Variants in USP48 observed in about 807,000 individuals in gnomAD.
USP48 encodes the protein ubiquitin specific peptidase 48.
Under a neutral mutation model 150.7 loss-of-function variants are expected in USP48, and 43 were observed. The observed-to-expected ratio is 0.29, with a 90% CI of 0.22 to 0.37. The LOEUF is 0.37. USP48 is among the 10% of genes least tolerant of loss of function. USP48 has a pLI of 1.00. For synonymous variants in USP48, 396 were observed against 425.9 expected (o/e 0.93, Z 0.86); for missense variants, 813 against 1,249.6 (o/e 0.65, Z 5.27).
chr1:21,711,056 G>A (rs1297924931), intron 15 of USP48, among the ~76,000 whole-genome samples: 1 of 151,832 alleles, frequency 6.6e-6, no homozygotes, highest in African/African-American at 2.4e-5. Context: ...GAAGTGCTGA[G>A]GTTATAGATG....
chr1:21,699,417 C>T (rs1233771466), intron 22 of USP48, among the ~76,000 whole-genome samples: 1 of 149,168 alleles, frequency 6.7e-6, no homozygotes, highest in African/African-American at 2.5e-5. Flanking sequence ...CCAGGATGGT[C>T]TCAATCTCCT....
chr1:21,748,803 C>G (rs1243617920), intron 6 of USP48, among the ~76,000 whole-genome samples: 2 of 152,056 alleles, frequency 1.3e-5, no homozygotes, highest in East Asian at 1.9e-4. Context: ...CCCAACTACT[C>G]GGGAGGCTGA....
chr1:21,753,509 C>T (rs562382999), intron 3 of USP48, among the ~76,000 whole-genome samples: 2 of 147,210 alleles, frequency 1.4e-5, no homozygotes, highest in East Asian at 4.1e-4. Flanking sequence ...GAGGTGAGAT[C>T]GCCAACAAAG....
intron 11 of USP48, among the ~76,000 whole-genome samples, chr1:21,725,298 C>A (rs1353943920): frequency 6.6e-6 from 1 of 152,258 alleles, no homozygotes; most frequent in African/African-American, 2.4e-5. Context: ...TGTTTCCAGT[C>A]TTTTATTTGT....
At chr1:21,726,834 A>T (rs2097738733) in intron 11 of USP48, among the ~76,000 whole-genome samples, 1 of 152,306 alleles carries the variant, frequency 6.6e-6, no homozygotes, top group Middle Eastern at 3.4e-3. Flanking sequence ...CAAATGAGGG[A>T]GAACTCTCCT....
At chr1:21,690,539 G>A (rs1373200746) in intron 23 of USP48, among the ~76,000 whole-genome samples, 2 of 149,566 alleles carry the variant, frequency 1.3e-5, no homozygotes, top group Non-Finnish European at 3.0e-5. Flanking sequence ...TTTTGTTGTT[G>A]TTGAGACAGG....
chr1:21,751,765 A>ATCCCAGCAT (rs1353951376), intron 5 of USP48, 150 bp from the exon 6 acceptor site: 2 of 673,102 alleles, frequency 3.0e-6, no homozygotes, highest in African/African-American at 3.6e-5. Flanking sequence ...ATGAAATATA[A>ATCCCAGCAT]TCCCAGCATT....
chr1:21,733,158 G>A (rs2152560222), intron 9 of USP48, among the ~76,000 whole-genome samples: 1 of 152,258 alleles, frequency 6.6e-6, no homozygotes, highest in African/African-American at 2.4e-5. Context: ...GCTCACGCCT[G>A]TAATCCTAGC....
chr1:21,699,882 G>C (rs552099958), intron 22 of USP48, among the ~76,000 whole-genome samples: 1 of 151,416 alleles, frequency 6.6e-6, no homozygotes, highest in African/African-American at 2.4e-5. Context: ...CACAAATGTG[G>C]CTCGAAAGAT....
chr1:21,691,337 A>T (rs2097599623), intron 23 of USP48, among the ~76,000 whole-genome samples: 1 of 150,694 alleles, frequency 6.6e-6, no homozygotes, highest in South Asian at 2.1e-4. Context: ...AAAAAAAAAA[A>T]ATTAAATACT....
At chr1:21,730,646 G>A (rs2097754474) in intron 9 of USP48, among the ~76,000 whole-genome samples, 1 of 151,648 alleles carries the variant, frequency 6.6e-6, no homozygotes, top group South Asian at 2.1e-4. Flanking sequence ...GTGTGTCACT[G>A]CACTCCTGTC....
intron 1 of USP48, among the ~76,000 whole-genome samples, chr1:21,763,612 G>C (rs1408313125): frequency 1.3e-5 from 2 of 152,288 alleles, no homozygotes; most frequent in African/African-American, 2.4e-5. Flanking sequence ...TCGGGAGTTC[G>C]AGACCAGCCT....
chr1:21,684,682 A>G (rs1437139838), intron 25 of USP48, among the ~76,000 whole-genome samples: 1 of 10,588 alleles, frequency 9.4e-5, no homozygotes, highest in African/African-American at 1.6e-4. Context: ...TTCAAGTCTT[A>G]CATTTAAGTC....
chr1:21,682,326 TACCCTTAGTTTTTTACTTACTATATCAA>T, intron 25 of USP48, among the ~76,000 whole-genome samples: 1 of 152,288 alleles, frequency 6.6e-6, no homozygotes, highest in South Asian at 2.1e-4. Context: ...ATGACCCTCT[TACCCTTAGTTTTTTACTTACTATATCAA>T]ACCCAGGGTA....
intron 12 of USP48, among the ~76,000 whole-genome samples, chr1:21,723,620 A>G (rs2097728175): frequency 6.6e-6 from 1 of 152,160 alleles, no homozygotes; most frequent in Non-Finnish European, 1.5e-5. Context: ...ACAAACTACT[A>G]CCAGACAGTT....
At chr1:21,708,802 T>C (rs982273372) in intron 15 of USP48, among the ~76,000 whole-genome samples, 1 of 145,776 alleles carries the variant, frequency 6.9e-6, no homozygotes, top group Non-Finnish European at 1.5e-5. Context: ...GGAGAATCGC[T>C]TGAACCCGGG....
rs112926767 is a variant in USP48, at chr1:21,684,456, T to C, written c.3058+2735A>G. Reference sequence around the variant, plus strand: ...GAAATGTCTGTTCAGGTCCGTTGCCTACTGTTTAATGAGATTATATTTTCT... The same window carrying C: ...GAAATGTCTGTTCAGGTCCGTTGCCCACTGTTTAATGAGATTATATTTTCT... On this transcript the variant is annotated intron_variant, in intron 25 of 26. Coordinates refer to ENST00000308271, the MANE Select transcript of USP48 (RefSeq NM_032236.8). 2.5e-3 allele frequency among the ~76,000 whole-genome samples: 376 copies of C among 152,312 alleles called. 1 individual carries two copies. The highest frequency in any genetic ancestry group is 8.4e-3 in the African/African-American group (351 of 41,578).
At chr1:21,728,783 A>C in intron 10 of USP48, 64 bp from the exon 11 acceptor site, 12 of 1,559,136 alleles carry the variant, frequency 7.7e-6, no homozygotes, top group Non-Finnish European at 1.0e-5. Flanking sequence ...GAACCATGCT[A>C]ATCTCTAAAT....
At chr1:21,723,804 T>C (rs985821690) in intron 12 of USP48, 94 bp downstream of exon 12, 74 of 1,118,982 alleles carry the variant, frequency 6.6e-5, no homozygotes, top group Middle Eastern at 2.3e-4. Context: ...TAGCATAGTT[T>C]GGGTCAAATC....
Sources: gnomAD v4.1 joint callset for allele counts (sites outside exome capture counted in the v4.1 genomes callset) on GRCh38, gnomAD v4.1.1 for gene constraint, MANE v1.5 for transcripts, NCBI Gene and HGNC (gene_info 2026-07-23, HGNC 2026-07-21) for gene names.